The following KDM7A variants were observed in gnomAD, a reference collection of about 807,000 sequenced individuals.
The protein encoded by KDM7A is lysine demethylase 7A.
A neutral mutation model predicts 114.8 loss-of-function variants in KDM7A; 28 were observed. The observed-to-expected ratio is 0.24, with a 90% CI of 0.18 to 0.33. The LOEUF is 0.33. Among genes scored for constraint, KDM7A ranks in the 10% least tolerant of loss-of-function variants. The probability of loss-of-function intolerance (pLI) is 1.00; values close to 1 mark genes in which losing one functional copy is unlikely to be tolerated. For missense variants in KDM7A, 942 were observed against 1,142.5 expected (o/e 0.82, Z 2.53); for synonymous variants, 423 against 397.8 (o/e 1.06, Z -0.75).
intron 1 of KDM7A, among the ~76,000 whole-genome samples, chr7:140,172,250 T>TA (rs1794653420): frequency 6.6e-6 from 1 of 152,254 alleles, no homozygotes; most frequent in South Asian, 2.1e-4. Flanking sequence ...GGTCTTCTTC[T>TA]AAGTGTTTTA....
At chr7:140,097,480 G>A in intron 15 of KDM7A, 65 bp downstream of exon 15, 2 of 870,556 alleles carry the variant, frequency 2.3e-6, no homozygotes, top group Non-Finnish European at 3.7e-6. Flanking sequence ...CTTGCTTCCA[G>A]GAGAAGTTAC....
At chr7:140,106,147 A>AT (rs1325266123) in intron 11 of KDM7A, among the ~76,000 whole-genome samples, 1 of 152,060 alleles carries the variant, frequency 6.6e-6, no homozygotes, top group Non-Finnish European at 1.5e-5. Flanking sequence ...CCCCTTTATC[A>AT]TTTTTTATTG....
At chr7:140,103,460 C>G (rs997311790) in intron 11 of KDM7A, among the ~76,000 whole-genome samples, 6 of 151,746 alleles carry the variant, frequency 4.0e-5, no homozygotes, top group Non-Finnish European at 8.8e-5. Flanking sequence ...TATCCCTCCC[C>G]CCCCCTCCAA....
At position 140,120,510 on chromosome 7, in the gene KDM7A, G is replaced by A. The variant is rs1166093324; in HGVS notation, c.1071C>T (p.Leu357=). Residue 357 remains leucine (L), a synonymous_variant, in exon 8 of 20, where the codon CTC becomes CTT. Coordinates refer to ENST00000397560, the MANE Select transcript of KDM7A (RefSeq NM_030647.2). ...FVPTGWIHAV[L]TSQDCMAFGG... ...CAAAAGCCATACAGTCCTGAGAAGT[G>A]AGCACAGCATGGATCCACCCTAAAA... The A allele has an allele frequency of 2.5e-6, 4 of 1,610,514 alleles. No individual in the cohort carries two copies. Among genetic ancestry groups the A allele is most frequent in the East Asian group, 4.5e-5 (2 of 44,856 alleles).
chr7:140,128,802 A>G (rs1016071832), intron 4 of KDM7A, among the ~76,000 whole-genome samples: 1 of 152,212 alleles, frequency 6.6e-6, no homozygotes, highest in Admixed American at 6.5e-5. Flanking sequence ...AATATTCTCT[A>G]TCTACTGCTG....
At chr7:140,134,961 A>G (rs1249338408) in intron 2 of KDM7A, among the ~76,000 whole-genome samples, 1 of 151,960 alleles carries the variant, frequency 6.6e-6, no homozygotes, top group African/African-American at 2.4e-5. Context: ...TTATTCAACT[A>G]TCTAAGAGTC....
chr7:140,164,818 T>C (rs1197493363), intron 1 of KDM7A, among the ~76,000 whole-genome samples: 1 of 152,188 alleles, frequency 6.6e-6, no homozygotes, highest in African/African-American at 2.4e-5. Flanking sequence ...GTAATGAAAC[T>C]GGCAGTGAAT....
chr7:140,088,574 G>A lies in KDM7A; in HGVS notation c.*2520C>T, dbSNP rs113750955. ...TTCAGCCATTTCCATGAGATAAAGG[G>A]ATGCATTATGGCCAGTAATGTTATA... On this transcript the variant is annotated 3_prime_UTR_variant, in exon 20 of 20. Coordinates refer to ENST00000397560, the MANE Select transcript of KDM7A (RefSeq NM_030647.2). 103 of 398,182 alleles carry A rather than the reference G, an allele frequency of 2.6e-4. 2 individuals are homozygous for A. Among genetic ancestry groups the A allele is most frequent in the African/African-American group, 1.9e-3 (91 of 48,722 alleles). The allele number at this position is 398,182 out of a possible 1,614,324, so 24.7% of individuals were successfully genotyped here.
chr7:140,144,527 T>TA (rs1249072695), intron 1 of KDM7A, among the ~76,000 whole-genome samples: 1 of 150,348 alleles, frequency 6.7e-6, no homozygotes, highest in Non-Finnish European at 1.5e-5. Flanking sequence ...TAAGGGCTTC[T>TA]ACTTTTCTCA....
At chr7:140,106,312 T>G (rs1818337659) in intron 11 of KDM7A, among the ~76,000 whole-genome samples, 1 of 152,220 alleles carries the variant, frequency 6.6e-6, no homozygotes, top group African/African-American at 2.4e-5. Context: ...TCTTAGTTAT[T>G]TCTTGCCTTC....
intron 15 of KDM7A, 135 bp from the exon 16 acceptor site, chr7:140,097,182 TG>T: frequency 3.0e-6 from 2 of 667,556 alleles, no homozygotes; most frequent in Non-Finnish European, 5.0e-6. Context: ...GTAATTCACA[TG>T]AAAAAAATGA....
intron 13 of KDM7A, 67 bp downstream of exon 13, chr7:140,099,832 G>T: frequency 6.8e-7 from 1 of 1,469,236 alleles, no homozygotes; most frequent in Non-Finnish European, 9.5e-7. Context: ...GAGGACCACT[G>T]GGTTAAATGA....
intron 7 of KDM7A, among the ~76,000 whole-genome samples, chr7:140,124,287 T>C (rs1289603791): frequency 1.5e-5 from 2 of 130,892 alleles, no homozygotes; most frequent in African/African-American, 5.9e-5. Flanking sequence ...GAAAATGTTC[T>C]GGAATTAGAT....
At chr7:140,131,781 A>G (rs1020393783) in intron 3 of KDM7A, among the ~76,000 whole-genome samples, 15 of 152,248 alleles carry the variant, frequency 9.9e-5, no homozygotes, top group Non-Finnish European at 2.1e-4. Context: ...TCAAACATAC[A>G]TAATGACAAG....
chr7:140,108,086 C>A (rs1009408678), intron 11 of KDM7A, among the ~76,000 whole-genome samples: 1 of 152,170 alleles, frequency 6.6e-6, no homozygotes, highest in Non-Finnish European at 1.5e-5. Flanking sequence ...CTTGTGCATG[C>A]GTCACATAGT....
At chr7:140,111,800 AAT>A in intron 10 of KDM7A, among the ~76,000 whole-genome samples, 1 of 152,182 alleles carries the variant, frequency 6.6e-6, no homozygotes, top group East Asian at 1.9e-4. Flanking sequence ...CTCTACTAAA[AAT>A]ACAAAACTAA....
chr7:140,168,673 G>A (rs1043634068), intron 1 of KDM7A, among the ~76,000 whole-genome samples: 1 of 151,864 alleles, frequency 6.6e-6, no homozygotes, highest in Non-Finnish European at 1.5e-5. Context: ...GAAAAGAATT[G>A]ACCTAAGTAA....
At position 140,089,229 on chromosome 7, in the gene KDM7A, G is replaced by C. The variant is rs1817981423; in HGVS notation, c.*1865C>G. 6.6e-6 allele frequency: 1 copy of C among 152,076 alleles called. No homozygotes were observed. Among genetic ancestry groups the C allele is most frequent in the Non-Finnish European group, 1.5e-5 (1 of 68,004 alleles). The allele number at this position is 152,076 out of a possible 1,614,324, so 9.4% of individuals were successfully genotyped here. ...TACACGGGTTGTTTATAGACACTAA[G>C]GATTTCCATAAAAATTCTTTTTCCT... is the stretch of plus-strand genomic sequence containing the variant. On this transcript the variant is annotated 3_prime_UTR_variant, in exon 20 of 20. Coordinates refer to ENST00000397560, the MANE Select transcript of KDM7A (RefSeq NM_030647.2).
At chr7:140,116,523 G>A (rs1195218557) in intron 9 of KDM7A, among the ~76,000 whole-genome samples, 2 of 152,096 alleles carry the variant, frequency 1.3e-5, no homozygotes, top group Non-Finnish European at 2.9e-5. Flanking sequence ...GAAGGGAAGC[G>A]GAAAGGTGTA....
Sources: gnomAD v4.1 joint callset for allele counts (sites outside exome capture counted in the v4.1 genomes callset) on GRCh38, gnomAD v4.1.1 for gene constraint, MANE v1.5 for transcripts, NCBI Gene and HGNC (gene_info 2026-07-23, HGNC 2026-07-21) for gene names.